SLC26A5: variants seen among roughly 807,000 people sequenced by gnomAD.
SLC26A5 encodes solute carrier family 26 member 5, also known as prestin.
In SLC26A5, 51 loss-of-function variants were observed where a neutral mutation model predicts 81.0. That is an observed-to-expected ratio of 0.63 (90% CI 0.50 to 0.80). The LOEUF (loss-of-function observed/expected upper bound fraction) is 0.80, where lower values mean the gene tolerates loss of function less well. Among genes scored for constraint, SLC26A5 ranks in the 30% least tolerant of loss-of-function variants. The pLI, the probability that SLC26A5 is intolerant of heterozygous loss-of-function variation, is 0.00. For synonymous variants in SLC26A5, 325 were observed against 332.8 expected (o/e 0.98, Z 0.25); for missense variants, 771 against 905.8 (o/e 0.85, Z 1.91).
In SLC26A5 at chr7:103,415,324, AG is replaced by A. The variant is rs147211225; in HGVS notation, c.293-2213del. Reference sequence around the variant, plus strand: ...CTTTTCTGCTCACCCCTCTTCCTCCAGGTTTTGCTCCTCGGAGCCAATCACT... The same window carrying A: ...CTTTTCTGCTCACCCCTCTTCCTCCAGTTTTGCTCCTCGGAGCCAATCACT... On this transcript the variant is annotated intron_variant, in intron 4 of 19. Coordinates refer to ENST00000306312, the MANE Select transcript of SLC26A5 (RefSeq NM_198999.3). Among the ~76,000 whole-genome samples, 57 of 152,324 alleles carry A rather than the reference AG, an allele frequency of 3.7e-4. No individual in the cohort carries two copies. The East Asian group carries it at 9.6e-3, about 26-fold the overall frequency.
At position 103,410,508 on chromosome 7, in the gene SLC26A5, A is replaced by C; in HGVS notation, c.612T>G (p.Tyr204Ter). The change falls in exon 7 of 20, where the codon TAT (tyrosine) becomes TAG (stop). Residue 204 changes from tyrosine to a stop codon, truncating the protein, a stop_gained. Coordinates refer to ENST00000306312, the MANE Select transcript of SLC26A5 (RefSeq NM_198999.3). LOFTEE classifies it high-confidence loss of function. The stretch of plus-strand genomic sequence containing the variant: ...ACCCACGGACCAGAGGCTCTGTGAG[A>C]TATATGGCCACAAATCCAAACCTAC... The part of the protein sequence containing the change: ...GVCRFGFVAI[Y>*]LTEPLVRGFT... 6.2e-7 allele frequency: 1 copy of C among 1,614,134 alleles called. No homozygotes were observed. Among genetic ancestry groups the C allele is most frequent in the Non-Finnish European group, 8.5e-7 (1 of 1,180,022 alleles).
At chr7:103,355,844 C>T (rs765701551) in intron 19 of SLC26A5, 2 of 1,337,634 alleles carry the variant, frequency 1.5e-6, no homozygotes, top group East Asian at 4.6e-5. Flanking sequence ...TTTTCAAGCA[C>T]TTAATGTTAG....
intron 2 of SLC26A5, among the ~76,000 whole-genome samples, chr7:103,434,652 T>C (rs1826320392): frequency 6.6e-6 from 1 of 152,006 alleles, no homozygotes; most frequent in African/African-American, 2.4e-5. Flanking sequence ...TTTTTATTTA[T>C]TTATTTATTT....
chr7:103,389,181 G>C lies in SLC26A5; in HGVS notation c.1408-67C>G, dbSNP rs1429542008. 3.9e-6 allele frequency: 5 copies of C among 1,269,996 alleles called. No individual in the cohort carries two copies. In the African/African-American group the frequency reaches 7.3e-5, roughly 19 times the overall value. The allele number at this position is 1,269,996 out of a possible 1,614,324, so 78.7% of individuals were successfully genotyped here. ...CATCCCACAAGAGTTAAACACACAAGTGTGCACACACACACATGCTACTTT... is the reference window on the plus strand; with the variant it reads ...CATCCCACAAGAGTTAAACACACAACTGTGCACACACACACATGCTACTTT... On this transcript the variant is annotated intron_variant, in intron 13 of 19. Transcript: ENST00000306312.
intron 16 of SLC26A5, 97 bp downstream of exon 16, chr7:103,379,146 G>C: frequency 1.2e-6 from 1 of 837,196 alleles, no homozygotes; most frequent in South Asian, 1.4e-5. Context: ...AACAAAGCGA[G>C]AATGAAATAG....
intron 14 of SLC26A5, among the ~76,000 whole-genome samples, chr7:103,385,905 T>C (rs1027350651): frequency 6.6e-6 from 1 of 151,088 alleles, no homozygotes; most frequent in Non-Finnish European, 1.5e-5. Flanking sequence ...TTTTACCAGG[T>C]TGCCCAAACG....
chr7:103,438,303 T>G (rs1031262274), intron 2 of SLC26A5, among the ~76,000 whole-genome samples: 84 of 152,160 alleles, frequency 5.5e-4, no homozygotes, highest in African/African-American at 2.0e-3. Flanking sequence ...CATCACATTG[T>G]ACCCATAAAT....
chr7:103,435,845 C>T (rs754949489), intron 2 of SLC26A5, among the ~76,000 whole-genome samples: 26 of 152,078 alleles, frequency 1.7e-4, no homozygotes, highest in Admixed American at 6.5e-4. Context: ...AGAGTTCTTC[C>T]CCCTTTGTAT....
chr7:103,374,399 C>G lies in SLC26A5; in HGVS notation c.2235G>C (p.Ter745TyrextTer6). The change falls in exon 20 of 20, where the codon TAG (stop) becomes TAC (tyrosine). Residue 745 changes from the stop codon to tyrosine (Y), a stop_lost. Coordinates refer to ENST00000306312, the MANE Select transcript of SLC26A5 (RefSeq NM_198999.3). ...PNATPATPEA[*>Y] ...CCCCATCCTAGGGTGAGGTCCTCATCTATGCCTCAGGAGTGGCAGGAGTGG... is the reference window on the plus strand; with the variant it reads ...CCCCATCCTAGGGTGAGGTCCTCATGTATGCCTCAGGAGTGGCAGGAGTGG... 6.2e-7 allele frequency: 1 copy of G among 1,612,304 alleles called. No individual in the cohort carries two copies. Among genetic ancestry groups the G allele is most frequent in the Non-Finnish European group, 8.5e-7 (1 of 1,179,974 alleles).
chr7:103,427,995 G>A (rs1825819561), intron 2 of SLC26A5, among the ~76,000 whole-genome samples: 1 of 151,986 alleles, frequency 6.6e-6, no homozygotes, highest in African/African-American at 2.4e-5. Context: ...TGGGATTACA[G>A]GCACCCACCA....
At chr7:103,439,436 C>T (rs1258745312) in intron 2 of SLC26A5, among the ~76,000 whole-genome samples, 1 of 152,220 alleles carries the variant, frequency 6.6e-6, no homozygotes, top group East Asian at 1.9e-4. Flanking sequence ...AAACTCTTGT[C>T]CACTGCTCCT....
chr7:103,383,399 A>T (rs2116406397), intron 14 of SLC26A5, among the ~76,000 whole-genome samples: 1 of 152,312 alleles, frequency 6.6e-6, no homozygotes, highest in South Asian at 2.1e-4. Context: ...TCAAAGGATG[A>T]GGATTTCAAA....
chr7:103,411,271 G>T, intron 6 of SLC26A5, 149 bp downstream of exon 6: 1 of 776,748 alleles, frequency 1.3e-6, no homozygotes. Context: ...TGTGAATATG[G>T]CATGCAGTTG....
chr7:103,405,114 C>T (rs1029314560), intron 8 of SLC26A5, among the ~76,000 whole-genome samples: 5 of 152,114 alleles, frequency 3.3e-5, no homozygotes, highest in Non-Finnish European at 7.4e-5. Flanking sequence ...AGCTTCCTTG[C>T]ATTGGGTTAG....
intron 14 of SLC26A5, among the ~76,000 whole-genome samples, chr7:103,387,875 G>A (rs1208509614): frequency 6.6e-6 from 1 of 151,996 alleles, no homozygotes; most frequent in African/African-American, 2.4e-5. Flanking sequence ...GTAAAGACAG[G>A]GTTTCACCAT....
chr7:103,413,431 G>A (rs1824665008), intron 4 of SLC26A5, among the ~76,000 whole-genome samples: 1 of 152,088 alleles, frequency 6.6e-6, no homozygotes, highest in Non-Finnish European at 1.5e-5. Flanking sequence ...TCACAAATGC[G>A]AGCTCGTTCT....
At chr7:103,374,113 T>C, downstream of SLC26A5, 1 of 1,039,476 alleles carries the variant, frequency 9.6e-7, no homozygotes, top group South Asian at 2.5e-5. Flanking sequence ...GTAAAATACT[T>C]GACTGAAATA....
At chr7:103,377,414 T>C (rs534595298) in intron 18 of SLC26A5, among the ~76,000 whole-genome samples, 185 bp downstream of exon 18, 1 of 152,356 alleles carries the variant, frequency 6.6e-6, no homozygotes, top group East Asian at 1.9e-4. Flanking sequence ...TTGTTGAAGC[T>C]GAGTGATAGT....
intron 5 of SLC26A5, 63 bp downstream of exon 5, chr7:103,412,939 G>T: frequency 8.6e-7 from 1 of 1,160,142 alleles, no homozygotes; most frequent in South Asian, 1.2e-5. Flanking sequence ...CTATTTCTTT[G>T]GCACATTGCA....
Sources: allele counts gnomAD v4.1 joint callset (sites outside exome capture counted in the v4.1 genomes callset), GRCh38; gene constraint gnomAD v4.1.1; transcripts MANE v1.5; gene names NCBI Gene and HGNC (gene_info 2026-07-23, HGNC 2026-07-21).